Variants in AKAP19 observed in about 807,000 individuals in gnomAD.
AKAP19 encodes the protein small A-kinase anchoring protein.
chr2:189,957,983 G>A, the AKAP19 span, among the ~76,000 whole-genome samples: 1 of 152,112 alleles, frequency 6.6e-6, no homozygotes, highest in South Asian at 2.1e-4. Context: ...CAGTAGAGAC[G>A]GGGTTTCACC....
At chr2:190,040,625 G>A in the AKAP19 span, among the ~76,000 whole-genome samples, 1 of 152,222 alleles carries the variant, frequency 6.6e-6, no homozygotes, top group East Asian at 1.9e-4. Flanking sequence ...GTATTGTCTA[G>A]TTTGTCTTCC....
chr2:189,989,770 C>T, the AKAP19 span, among the ~76,000 whole-genome samples: 3 of 151,950 alleles, frequency 2.0e-5, no homozygotes, highest in Non-Finnish European at 2.9e-5. Flanking sequence ...TTCTGGAATC[C>T]TAAATAAATT....
chr2:190,057,532 G>C, the AKAP19 span: 1 of 1,613,506 alleles, frequency 6.2e-7, no homozygotes, highest in Non-Finnish European at 8.5e-7. Context: ...CACAGTTAGA[G>C]GGTAACGACA....
chr2:190,076,064 C>T, the AKAP19 span, among the ~76,000 whole-genome samples: 1 of 152,026 alleles, frequency 6.6e-6, no homozygotes, highest in Non-Finnish European at 1.5e-5. Context: ...TTACCTTTAC[C>T]TATGTTATAA....
At chr2:189,929,610 G>A in the AKAP19 span, among the ~76,000 whole-genome samples, 2 of 151,642 alleles carry the variant, frequency 1.3e-5, no homozygotes, top group African/African-American at 4.8e-5. Flanking sequence ...TACAAGCTAG[G>A]ATATCACTTT....
chr2:189,966,130 C>T, the AKAP19 span, among the ~76,000 whole-genome samples: 2 of 150,042 alleles, frequency 1.3e-5, no homozygotes, highest in African/African-American at 2.5e-5. Flanking sequence ...ACGTGGGAGC[C>T]GAGCTGTGAG....
At chr2:190,194,002 A>ATATT in the AKAP19 span, among the ~76,000 whole-genome samples, 3 of 152,204 alleles carry the variant, frequency 2.0e-5, no homozygotes. Flanking sequence ...AGTTGAAACT[A>ATATT]TATTTTAATT....
the AKAP19 span, among the ~76,000 whole-genome samples, chr2:189,982,893 G>T: frequency 1.3e-5 from 2 of 152,150 alleles, no homozygotes; most frequent in African/African-American, 4.8e-5. Context: ...AAGGCTGACA[G>T]TGTGGAGGTC....
At chr2:190,057,039 ACT>A in the AKAP19 span, 1 of 539,758 alleles carries the variant, frequency 1.9e-6, no homozygotes, top group Non-Finnish European at 3.3e-6. Context: ...TAGCTCAAAA[ACT>A]CTGGAAATCA....
At chr2:189,906,497 G>A in the AKAP19 span, among the ~76,000 whole-genome samples, 1 of 152,026 alleles carries the variant, frequency 6.6e-6, no homozygotes, top group African/African-American at 2.4e-5. Flanking sequence ...TAGGACAAAA[G>A]AAAGCTTGAG....
the AKAP19 span, among the ~76,000 whole-genome samples, chr2:190,116,502 A>C: frequency 6.6e-6 from 1 of 152,114 alleles, no homozygotes; most frequent in South Asian, 2.1e-4. Flanking sequence ...CTTCCAACAC[A>C]TGCCTTTTGG....
the AKAP19 span, among the ~76,000 whole-genome samples, chr2:190,069,661 G>T: frequency 6.6e-6 from 1 of 152,118 alleles, no homozygotes; most frequent in Non-Finnish European, 1.5e-5. Flanking sequence ...GGCTTTCAGA[G>T]AGTCATTCCA....
the AKAP19 span, among the ~76,000 whole-genome samples, chr2:190,118,517 C>A: frequency 6.6e-6 from 1 of 152,204 alleles, no homozygotes; most frequent in Non-Finnish European, 1.5e-5. Context: ...AGCTTATCCA[C>A]CATGATCAAG....
the AKAP19 span, among the ~76,000 whole-genome samples, chr2:190,074,763 T>A: frequency 6.6e-6 from 1 of 152,160 alleles, no homozygotes; most frequent in Non-Finnish European, 1.5e-5. Context: ...ATGGACTATA[T>A]AATAAATGGT....
At chr2:190,024,682 G>T in the AKAP19 span, among the ~76,000 whole-genome samples, 1 of 152,084 alleles carries the variant, frequency 6.6e-6, no homozygotes, top group Non-Finnish European at 1.5e-5. Flanking sequence ...CACTCTGGCT[G>T]ATTCTAGGGT....
the AKAP19 span, among the ~76,000 whole-genome samples, chr2:190,087,330 C>T: frequency 2.0e-5 from 3 of 152,246 alleles, no homozygotes; most frequent in Non-Finnish European, 2.9e-5. Context: ...AGAAAAGAAT[C>T]CTATGTTCTT....
the AKAP19 span, among the ~76,000 whole-genome samples, chr2:190,058,494 G>C: frequency 6.6e-6 from 1 of 151,878 alleles, no homozygotes; most frequent in Non-Finnish European, 1.5e-5. Flanking sequence ...ATTTAAAGTA[G>C]CATATATAAA....
At chr2:189,923,061 G>T in the AKAP19 span, among the ~76,000 whole-genome samples, 8 of 152,190 alleles carry the variant, frequency 5.3e-5, no homozygotes, top group African/African-American at 1.9e-4. Context: ...TGAGGCAGGA[G>T]AATTGCTAGA....
the AKAP19 span, among the ~76,000 whole-genome samples, chr2:189,955,468 TG>T: frequency 3.3e-5 from 5 of 152,234 alleles, no homozygotes; most frequent in Non-Finnish European, 5.9e-5. Context: ...TCTTTTTCTT[TG>T]GGTAGGTACC....
Sources: gnomAD v4.1 joint callset for allele counts (sites outside exome capture counted in the v4.1 genomes callset) on GRCh38, gnomAD v4.1.1 for gene constraint, MANE v1.5 for transcripts, NCBI Gene and HGNC (gene_info 2026-07-23, HGNC 2026-07-21) for gene names.